Variants in ATG7 observed in about 807,000 individuals in gnomAD.
ATG7 encodes ubiquitin-like modifier-activating enzyme ATG7.
In ATG7, 70 loss-of-function variants were observed where a neutral mutation model predicts 82.4. That is an observed-to-expected ratio of 0.85 (90% confidence interval 0.70 to 1.04). The LOEUF (loss-of-function observed/expected upper bound fraction) is 1.04. ATG7 is among the 50% of genes least tolerant of loss of function. The pLI is 0.00. For synonymous variants in ATG7, 287 were observed against 313.0 expected, an observed-to-expected ratio of 0.92 and a Z score of 0.88; for missense variants, 792 against 864.3, an observed-to-expected ratio of 0.92 and a Z score of 1.05.
chr3:11,389,693 C>T (rs1463306901), intron 19 of ATG7, among the ~76,000 whole-genome samples: 1 of 152,174 alleles, frequency 6.6e-6, no homozygotes, highest in Non-Finnish European at 1.5e-5. Context: ...GTGTATTCAG[C>T]AGAGTCTTGA....
rs571290399 is a variant in ATG7 at position 11,482,105 on chromosome 3, G to A, written c.2079+55179G>A. On this transcript the variant is annotated intron_variant, in intron 20 of 20. Transcript: ENST00000693202. ...CCTCTTCTCTCTCTCCTGATGCCCC[G>A]GTTCCTTCTCTCATCACTGCTTTCT... is the stretch of plus-strand genomic sequence containing the variant. 3.3e-4 allele frequency among the ~76,000 whole-genome samples: 50 copies of A among 152,266 alleles called. 2 individuals carry two copies. In the Middle Eastern group the frequency reaches 0.02, roughly 62 times the overall value.
chr3:11,570,559 A>C, the ATG7 span, among the ~76,000 whole-genome samples: 2 of 152,178 alleles, frequency 1.3e-5, no homozygotes, highest in African/African-American at 4.8e-5. Context: ...ATGTTCTAAT[A>C]ACTGTCCATA....
chr3:11,360,859 T>C, intron 16 of ATG7, 75 bp downstream of exon 16: 1 of 1,434,386 alleles, frequency 7.0e-7, no homozygotes, highest in Non-Finnish European at 9.7e-7. Context: ...ACTTGGCCCT[T>C]TCATTTATGA....
At chr3:11,393,991 G>A (rs1190633511) in intron 19 of ATG7, among the ~76,000 whole-genome samples, 3 of 152,050 alleles carry the variant, frequency 2.0e-5, no homozygotes, top group Non-Finnish European at 4.4e-5. Flanking sequence ...AGCTTTGTAG[G>A]CTTTTTCAAG....
At chr3:11,561,931 ACT>A (rs1201552500), downstream of ATG7, among the ~76,000 whole-genome samples, 1 of 119,674 alleles carries the variant, frequency 8.4e-6, no homozygotes, top group East Asian at 2.4e-4. Context: ...ACAAAGTCTC[ACT>A]CTGTCGTCCA....
intron 5 of ATG7, among the ~76,000 whole-genome samples, chr3:11,305,301 C>T (rs1405060573): frequency 6.6e-6 from 1 of 152,258 alleles, no homozygotes; most frequent in Non-Finnish European, 1.5e-5. Context: ...AGTGCTGATG[C>T]TCCTAGGAGC....
chr3:11,569,633 CCT>C, the ATG7 span, among the ~76,000 whole-genome samples: 20 of 152,358 alleles, frequency 1.3e-4, no homozygotes, highest in Middle Eastern at 6.8e-3. Context: ...GCCCTTTCGT[CCT>C]CTCTCTCCCA....
intron 1 of ATG7, among the ~76,000 whole-genome samples, chr3:11,276,851 CT>C (rs1297221489): frequency 6.6e-6 from 1 of 152,180 alleles, no homozygotes; most frequent in African/African-American, 2.4e-5. Flanking sequence ...CTCATGACCC[CT>C]GTTCTGTATC....
intron 19 of ATG7, among the ~76,000 whole-genome samples, chr3:11,405,302 T>C (rs940251367): frequency 1.3e-5 from 2 of 152,140 alleles, no homozygotes; most frequent in Non-Finnish European, 2.9e-5. Context: ...CACTGACTAT[T>C]GGGCTGCCGG....
intron 19 of ATG7, among the ~76,000 whole-genome samples, chr3:11,418,003 G>T (rs2152927465): frequency 6.6e-6 from 1 of 150,866 alleles, no homozygotes; most frequent in Non-Finnish European, 1.5e-5. Context: ...GTAGAGACGG[G>T]GGTTTCACTG....
chr3:11,568,749 C>T, the ATG7 span: 1 of 1,519,162 alleles, frequency 6.6e-7, no homozygotes, highest in African/African-American at 1.4e-5. The surrounding 1 kb of genome is among the most constrained non-coding windows in gnomAD (Gnocchi z 5.9). Context: ...ACGCATCCTG[C>T]CCGGGAGATG....
intron 19 of ATG7, among the ~76,000 whole-genome samples, chr3:11,382,099 T>C (rs2077948118): frequency 6.6e-6 from 1 of 152,252 alleles, no homozygotes; most frequent in Non-Finnish European, 1.5e-5. Context: ...AGTAATTTTT[T>C]CCTTTGGTAG....
intron 19 of ATG7, among the ~76,000 whole-genome samples, chr3:11,407,945 G>T (rs2080508803): frequency 6.6e-6 from 1 of 152,218 alleles, no homozygotes; most frequent in African/African-American, 2.4e-5. Flanking sequence ...CATTGTCTTG[G>T]TGATTAACAT....
intron 20 of ATG7, among the ~76,000 whole-genome samples, chr3:11,525,744 C>T (rs138178997): frequency 0.015 from 2,204 of 151,610 alleles, 58 homozygotes; most frequent in African/African-American, 0.051. Flanking sequence ...TTAGTAGAGA[C>T]GGGGTTTCAC....
At chr3:11,466,859 G>A (rs1343716849) in intron 20 of ATG7, among the ~76,000 whole-genome samples, 1 of 152,152 alleles carries the variant, frequency 6.6e-6, no homozygotes, top group Non-Finnish European at 1.5e-5. Flanking sequence ...GCTGGGCATG[G>A]TGGCACACAC....
At chr3:11,532,077 C>T (rs1449108791) in intron 20 of ATG7, among the ~76,000 whole-genome samples, 2 of 152,118 alleles carry the variant, frequency 1.3e-5, no homozygotes, top group Admixed American at 6.6e-5. Context: ...CTCTCCCCTC[C>T]GCCCCACACG....
chr3:11,417,805 A>T (rs201709024), intron 19 of ATG7, among the ~76,000 whole-genome samples: 6,372 of 51,394 alleles, frequency 0.12, 501 homozygotes, highest in Admixed American at 0.27. Flanking sequence ...TTATTATTTT[A>T]TTTTATTTTA....
chr3:11,425,107 T>G (rs2082254593), intron 19 of ATG7, among the ~76,000 whole-genome samples: 1 of 152,112 alleles, frequency 6.6e-6, no homozygotes, highest in Non-Finnish European at 1.5e-5. Flanking sequence ...GAATTACAGG[T>G]GCACTCCACC....
intron 20 of ATG7, among the ~76,000 whole-genome samples, chr3:11,546,487 A>T (rs949260769): frequency 2.0e-5 from 3 of 152,198 alleles, no homozygotes; most frequent in Non-Finnish European, 4.4e-5. Context: ...TTAAATGTTT[A>T]CATTTAACAA....
Sources: gnomAD v4.1 joint callset for allele counts (sites outside exome capture counted in the v4.1 genomes callset) on GRCh38, gnomAD v4.1.1 for gene constraint, Gnocchi (gnomAD v3.1) non-coding constraint, MANE v1.5 for transcripts, NCBI Gene and HGNC (gene_info 2026-07-23, HGNC 2026-07-21) for gene names.